The following COBL variants were observed in gnomAD, a reference collection of about 807,000 sequenced individuals.
COBL encodes protein cordon-bleu.
COBL carries 51 observed loss-of-function variants against 98.8 expected under a neutral mutation model. That is an observed-to-expected ratio of 0.52 (90% CI 0.41 to 0.65). The LOEUF is 0.65. Ranked by LOEUF, COBL falls within the 30% of genes least tolerant of loss-of-function variation. The pLI is 0.00. For missense variants in COBL, 1,617 were observed against 1,617.5 expected (o/e 1.00, Z 0.01); for synonymous variants, 634 against 651.7 (o/e 0.97, Z 0.41).
At chr7:51,181,468 G>A (rs758556081) in intron 5 of COBL, among the ~76,000 whole-genome samples, 1 of 152,214 alleles carries the variant, frequency 6.6e-6, no homozygotes, top group Non-Finnish European at 1.5e-5. Flanking sequence ...GGAGTGTACA[G>A]TCAATCACCA....
intron 6 of COBL, among the ~76,000 whole-genome samples, chr7:51,118,108 C>A (rs536302636): frequency 6.6e-6 from 1 of 152,270 alleles, no homozygotes; most frequent in South Asian, 2.1e-4. Flanking sequence ...TGAATTCTGG[C>A]CACATAGTTC....
rs531529738 is a variant in COBL at position 51,027,717 on chromosome 7, G to A, written c.3379C>T (p.Arg1127Cys). The change falls in exon 10 of 13, where the codon CGC becomes TGC. Residue 1127 changes from arginine (R) to cysteine (C), a missense_variant. By Grantham distance (180) the Arg-to-Cys change is radical. Coordinates refer to ENST00000265136, the MANE Select transcript of COBL (RefSeq NM_015198.5). ...IHSAGGKDRL[R>C]KTAEHTGEGR... ...CCGGAAGCCGCCATCCTCACCTTGC[G>A]TAGTCTGTCCTTCCCTCCCGCAGAG... The A allele has an allele frequency of 2.4e-5, 38 of 1,611,634 alleles. 1 individual carries two copies. The highest frequency in any genetic ancestry group is 7.7e-5 in the South Asian group (7 of 90,716).
At chr7:51,127,295 G>A (rs2128996631) in intron 6 of COBL, among the ~76,000 whole-genome samples, 1 of 152,324 alleles carries the variant, frequency 6.6e-6, no homozygotes, top group Admixed American at 6.5e-5. Flanking sequence ...CATGCCAGCA[G>A]GGGGGACGGG....
intron 1 of COBL, among the ~76,000 whole-genome samples, chr7:51,281,468 A>T (rs752346292): frequency 1.1e-4 from 16 of 152,234 alleles, no homozygotes; most frequent in Non-Finnish European, 2.1e-4. Context: ...ATACAGGATG[A>T]GTACAAAAAA....
intron 6 of COBL, among the ~76,000 whole-genome samples, chr7:51,115,546 T>C (rs957307670): frequency 1.3e-5 from 2 of 152,152 alleles, no homozygotes; most frequent in Non-Finnish European, 2.9e-5. Flanking sequence ...AAAAGTATGT[T>C]GTTTGCCAAA....
At chr7:51,082,404 C>T (rs901427890) in intron 7 of COBL, among the ~76,000 whole-genome samples, 4 of 152,082 alleles carry the variant, frequency 2.6e-5, no homozygotes, top group African/African-American at 7.2e-5. Context: ...TATGCCTGTC[C>T]GGAGGTGGGA....
rs190442359 is a variant in COBL at position 51,264,163 on chromosome 7, C to T, written c.42-44219G>A. Among the ~76,000 whole-genome samples the T allele has an allele frequency of 2.9e-3, 442 of 152,216 alleles. 2 individuals carry two copies. Among genetic ancestry groups the T allele is most frequent in the African/African-American group, 0.01 (421 of 41,544 alleles). On this transcript the variant is annotated intron_variant, in intron 1 of 12. Transcript: ENST00000265136. Reference sequence around the variant, plus strand: ...TCGCAGCCCCCAAGCCTCAGAACTGCTGGATCAAAACTGCAGGCAAGGAAG... The same window carrying T: ...TCGCAGCCCCCAAGCCTCAGAACTGTTGGATCAAAACTGCAGGCAAGGAAG...
intron 1 of COBL, among the ~76,000 whole-genome samples, chr7:51,260,769 G>C (rs1797642438): frequency 6.6e-6 from 1 of 152,228 alleles, no homozygotes; most frequent in African/African-American, 2.4e-5. Flanking sequence ...GTGTGCAGCA[G>C]GGCAGCCATG....
intron 1 of COBL, among the ~76,000 whole-genome samples, chr7:51,251,308 G>C (rs1043900073): frequency 1.3e-5 from 2 of 152,106 alleles, no homozygotes; most frequent in Non-Finnish European, 2.9e-5. Context: ...TATCCAACAC[G>C]ATATTAGCTC....
chr7:51,119,928 T>C (rs370426623), intron 6 of COBL, among the ~76,000 whole-genome samples: 1 of 152,100 alleles, frequency 6.6e-6, no homozygotes, highest in Non-Finnish European at 1.5e-5. Flanking sequence ...TTGCCCAAAG[T>C]TGTACAGAAG....
At chr7:51,257,183 G>A (rs1797268441) in intron 1 of COBL, among the ~76,000 whole-genome samples, 3 of 152,140 alleles carry the variant, frequency 2.0e-5, no homozygotes, top group South Asian at 2.1e-4. Context: ...CCAGTGCCCT[G>A]CAGCCCTCAT....
At chr7:51,197,859 TG>T (rs1202985393) in intron 2 of COBL, among the ~76,000 whole-genome samples, 1 of 152,194 alleles carries the variant, frequency 6.6e-6, no homozygotes, top group Admixed American at 6.5e-5. Flanking sequence ...GTTTTCCATT[TG>T]CTTGGTAGAT....
chr7:51,144,406 T>C (rs1784836679), intron 5 of COBL, among the ~76,000 whole-genome samples: 1 of 152,092 alleles, frequency 6.6e-6, no homozygotes, highest in Non-Finnish European at 1.5e-5. Flanking sequence ...GTTCGAAAAC[T>C]CAGCTGCACG....
At chr7:51,148,698 G>A (rs1470863934) in intron 5 of COBL, among the ~76,000 whole-genome samples, 1 of 152,062 alleles carries the variant, frequency 6.6e-6, no homozygotes, top group Non-Finnish European at 1.5e-5. Flanking sequence ...CATGGCTCTT[G>A]GCATTCTGAC....
At position 51,028,522 on chromosome 7, in the gene COBL, C is replaced by T. The variant is rs1787819415; in HGVS notation, c.2574G>A (p.Lys858=). Residue 858 remains lysine, a synonymous_variant, in exon 10 of 13, where the codon AAG becomes AAA. Coordinates refer to ENST00000265136, the MANE Select transcript of COBL (RefSeq NM_015198.5). ...ACTGGCTGGACGTTCTTCTCTGAGG[C>T]TTGAGAAATGTGACTTCTGTGGTGT... is the stretch of plus-strand genomic sequence containing the variant. The part of the protein sequence containing the change: ...AAHTTEVTFL[K]PQRRTSSQYV... The T allele has an allele frequency of 1.2e-6, 2 of 1,614,264 alleles. No homozygotes were observed.
chr7:51,264,058 A>G (rs1797951291), intron 1 of COBL, among the ~76,000 whole-genome samples: 1 of 152,224 alleles, frequency 6.6e-6, no homozygotes, highest in South Asian at 2.1e-4. Flanking sequence ...AAAGACAACA[A>G]AACTAGTGAG....
intron 5 of COBL, among the ~76,000 whole-genome samples, chr7:51,180,623 A>T (rs1788856349): frequency 6.6e-6 from 1 of 152,164 alleles, no homozygotes; most frequent in Admixed American, 6.5e-5. Flanking sequence ...TTCTACTATG[A>T]TTTATCTTTG....
chr7:51,269,992 G>A (rs1420199052), intron 1 of COBL, among the ~76,000 whole-genome samples: 3 of 152,174 alleles, frequency 2.0e-5, no homozygotes, highest in Non-Finnish European at 4.4e-5. Flanking sequence ...AAGTCAGCAA[G>A]TTAAGAAAAT....
At chr7:51,064,460 C>G (rs1170885529) in intron 7 of COBL, 3 of 152,130 alleles carry the variant, frequency 2.0e-5, no homozygotes, top group Non-Finnish European at 4.4e-5. Context: ...TAAATGTCCA[C>G]TGACAATGGA....
Sources: gnomAD v4.1 joint callset for allele counts (sites outside exome capture counted in the v4.1 genomes callset) on GRCh38, gnomAD v4.1.1 for gene constraint, MANE v1.5 for transcripts, NCBI Gene and HGNC (gene_info 2026-07-23, HGNC 2026-07-21) for gene names.